KLHL29: variants seen among roughly 807,000 people sequenced by gnomAD.
KLHL29 encodes the protein kelch like family member 29.
A neutral mutation model predicts 80.4 loss-of-function variants in KLHL29; 21 were observed. That is an observed-to-expected ratio of 0.26 (90% confidence interval 0.19 to 0.38). The LOEUF (loss-of-function observed/expected upper bound fraction) is 0.38, where lower values mean the gene tolerates loss of function less well. Ranked by LOEUF, KLHL29 falls within the 10% of genes least tolerant of loss-of-function variation. The pLI, the probability that KLHL29 is intolerant of heterozygous loss-of-function variation, is 1.00. For missense variants in KLHL29, 867 were observed against 1,223.9 expected (o/e 0.71, Z 4.35); for synonymous variants, 511 against 526.8 (o/e 0.97, Z 0.41).
intron 3 of KLHL29, among the ~76,000 whole-genome samples, chr2:23,581,687 G>A (rs867080413): frequency 6.6e-6 from 1 of 151,938 alleles, no homozygotes; most frequent in Admixed American, 6.6e-5. Context: ...AAGTAGCCGG[G>A]CGTGGTAGTG....
intron 1 of KLHL29, among the ~76,000 whole-genome samples, chr2:23,426,157 G>C (rs12468653): frequency 0.1 from 15,945 of 152,134 alleles, 1,664 homozygotes; most frequent in East Asian, 0.29. Context: ...AAGCGGGGAG[G>C]AGGGGATGAG....
chr2:23,480,015 T>A (rs981523729), intron 2 of KLHL29, among the ~76,000 whole-genome samples: 1 of 152,210 alleles, frequency 6.6e-6, no homozygotes, highest in Non-Finnish European at 1.5e-5. Context: ...GTCCCAAATC[T>A]ACCTCTAACT....
chr2:23,696,294 C>A lies in KLHL29; in HGVS notation c.1925-39C>A. 6.5e-7 allele frequency: 1 copy of A among 1,544,824 alleles called. No homozygotes were observed. Among genetic ancestry groups the A allele is most frequent in the Non-Finnish European group, 8.8e-7 (1 of 1,142,022 alleles). On this transcript the variant is annotated intron_variant, in intron 10 of 13. Coordinates refer to ENST00000486442, the MANE Select transcript of KLHL29 (RefSeq NM_052920.2). The surrounding 1 kb of genome is among the most constrained non-coding windows in gnomAD (Gnocchi z 5.5). The stretch of plus-strand genomic sequence containing the variant: ...GGCCTGCTGACCCCAGGCCCCTCCT[C>A]ACCCCGCCCGCTCTCTCTGCCTCCC...
intron 1 of KLHL29, among the ~76,000 whole-genome samples, chr2:23,407,867 G>T (rs1254118130): frequency 1.3e-5 from 2 of 152,020 alleles, no homozygotes; most frequent in Non-Finnish European, 2.9e-5. Flanking sequence ...TCCCTGATTT[G>T]AAATGCTACC....
chr2:23,403,742 T>A (rs1372029503), intron 1 of KLHL29, among the ~76,000 whole-genome samples: 3 of 150,964 alleles, frequency 2.0e-5, no homozygotes, highest in Non-Finnish European at 2.9e-5. Flanking sequence ...TGTGTGTGTG[T>A]GTGTGTGTGT....
At chr2:23,617,360 A>T (rs1669046573) in intron 3 of KLHL29, 1 of 152,134 alleles carries the variant, frequency 6.6e-6, no homozygotes, top group African/African-American at 2.4e-5. Context: ...GCAAGTAGCC[A>T]TCCCTCTGTC....
At chr2:23,679,481 C>T (rs1671015133) in intron 5 of KLHL29, among the ~76,000 whole-genome samples, 1 of 152,106 alleles carries the variant, frequency 6.6e-6, no homozygotes, top group Non-Finnish European at 1.5e-5. Flanking sequence ...CACATTTTCA[C>T]AGGGTCACTT....
intron 1 of KLHL29, among the ~76,000 whole-genome samples, chr2:23,403,966 G>C (rs1332796461): frequency 6.6e-6 from 1 of 152,130 alleles, no homozygotes; most frequent in Non-Finnish European, 1.5e-5. Flanking sequence ...AGCAATCCTC[G>C]ATGCCTTTGA....
At chr2:23,489,522 A>G (rs1029998965) in intron 2 of KLHL29, among the ~76,000 whole-genome samples, 1 of 152,088 alleles carries the variant, frequency 6.6e-6, no homozygotes, top group African/African-American at 2.4e-5. Flanking sequence ...GGTGAGTCAG[A>G]AGTCCTTGCG....
intron 1 of KLHL29, among the ~76,000 whole-genome samples, chr2:23,418,961 G>A (rs1662693153): frequency 6.6e-6 from 1 of 152,088 alleles, no homozygotes; most frequent in African/African-American, 2.4e-5. Flanking sequence ...CATGGTAAAG[G>A]AATCTATAGG....
At chr2:23,561,228 C>G (rs546884186) in intron 2 of KLHL29, among the ~76,000 whole-genome samples, 1 of 152,172 alleles carries the variant, frequency 6.6e-6, no homozygotes, top group African/African-American at 2.4e-5. Context: ...GTCTTTACAG[C>G]GTTCTTGACC....
intron 3 of KLHL29, among the ~76,000 whole-genome samples, chr2:23,585,773 A>G (rs936343261): frequency 3.3e-5 from 5 of 152,142 alleles, no homozygotes; most frequent in Non-Finnish European, 7.4e-5. Flanking sequence ...AAGGGGTGAT[A>G]GGAAGGAAAC....
Position 23,642,486 on chromosome 2 carries a change from C to A in KLHL29, c.576C>A (p.His192Gln). ...VIGVTPSLPP[H>Q]VGPQLPLMPG... The stretch of plus-strand genomic sequence containing the variant: ...GGGTGACCCCCTCACTGCCTCCCCA[C>A]GTGGGGCCCCAGCTCCCGCTGATGC... Residue 192 changes from histidine (H) to glutamine (Q), a missense_variant, in exon 5 of 14, where the codon CAC becomes CAA. Around this residue, in one of 2 missense-constraint regions of KLHL29, gnomAD observed 424 missense variants for 456.9 expected, o/e 0.93. Transcript: ENST00000486442. 1.3e-6 allele frequency: 2 copies of A among 1,517,742 alleles called. No individual in the cohort carries two copies. The highest frequency in any genetic ancestry group is 1.3e-5 in the South Asian group (1 of 79,222). 94.0% of individuals were successfully genotyped at this position (1,517,742 alleles called of 1,614,324 possible).
At chr2:23,660,591 G>A (rs930234042) in intron 5 of KLHL29, among the ~76,000 whole-genome samples, 3 of 152,212 alleles carry the variant, frequency 2.0e-5, no homozygotes, top group Non-Finnish European at 2.9e-5. Flanking sequence ...AGGGACAAGG[G>A]GCACAGATAA....
chr2:23,532,695 A>T (rs1290028994), intron 2 of KLHL29: 2 of 455,552 alleles, frequency 4.4e-6, no homozygotes, highest in Non-Finnish European at 8.8e-6. Flanking sequence ...TGGGGTCAGC[A>T]TGGGGGTGGG....
Position 23,681,404 on chromosome 2 carries a change from G to A in KLHL29, c.941-2995G>A, listed in dbSNP as rs912920436. The stretch of plus-strand genomic sequence containing the variant: ...GTCTAGCTCCAGAATTCCTGGAGCA[G>A]AAGGTGTCACGGCCGGGGCTGGGGC... On this transcript the variant is annotated intron_variant, in intron 5 of 13. Coordinates refer to ENST00000486442, the MANE Select transcript of KLHL29 (RefSeq NM_052920.2). The surrounding 1 kb of genome is among the most constrained non-coding windows in gnomAD (Gnocchi z 4.2). 5.3e-5 allele frequency among the ~76,000 whole-genome samples: 8 copies of A among 152,230 alleles called. No homozygotes were observed. The highest frequency in any genetic ancestry group is 1.9e-4 in the African/African-American group (8 of 41,468).
chr2:23,691,962 G>A, intron 7 of KLHL29, 86 bp downstream of exon 7: 5 of 1,367,388 alleles, frequency 3.7e-6, no homozygotes, highest in South Asian at 1.3e-5. Flanking sequence ...TGAGCGGGGA[G>A]GTCTGTGTGT....
intron 3 of KLHL29, among the ~76,000 whole-genome samples, chr2:23,622,149 C>T (rs1276108295): frequency 6.6e-6 from 1 of 152,190 alleles, no homozygotes; most frequent in Non-Finnish European, 1.5e-5. Context: ...GGCTCAGAGA[C>T]ATTAAATCCT....
intron 2 of KLHL29, among the ~76,000 whole-genome samples, chr2:23,486,464 T>C (rs1316062761): frequency 6.6e-6 from 1 of 152,084 alleles, no homozygotes; most frequent in Non-Finnish European, 1.5e-5. Context: ...ACTGGATTTA[T>C]GATCGATCCC....
Sources: allele counts gnomAD v4.1 joint callset (sites outside exome capture counted in the v4.1 genomes callset), GRCh38; gene constraint gnomAD v4.1.1; regional missense constraint gnomAD v4.1.1; non-coding constraint Gnocchi (gnomAD v3.1); transcripts MANE v1.5; gene names NCBI Gene and HGNC (gene_info 2026-07-23, HGNC 2026-07-21).